The following WDPCP variants were observed in gnomAD, a reference collection of about 807,000 sequenced individuals.
The protein encoded by WDPCP is WD repeat-containing and planar cell polarity effector protein fritz homolog.
In WDPCP, 71 loss-of-function variants were observed where a neutral mutation model predicts 93.1. The ratio of observed to expected loss-of-function variants is 0.76; its 90% CI spans 0.63 to 0.93. WDPCP has a LOEUF of 0.93. WDPCP is among the 40% of genes least tolerant of loss of function. The pLI is 0.00. For missense variants in WDPCP, 844 were observed against 887.4 expected (o/e 0.95, Z 0.62); for synonymous variants, 315 against 315.0 (o/e 1.00, Z 0.00).
intron 14 of WDPCP, among the ~76,000 whole-genome samples, chr2:63,251,486 CTTTTTT>C (rs869243555): frequency 3.7e-5 from 4 of 107,166 alleles, no homozygotes; most frequent in African/African-American, 1.1e-4. Flanking sequence ...AAAAGCCTAC[CTTTTTT>C]TTTTTTTTTT....
At chr2:63,832,431 G>C (rs535512902), upstream of WDPCP, among the ~76,000 whole-genome samples, 25 of 151,590 alleles carry the variant, frequency 1.6e-4, no homozygotes, top group South Asian at 6.2e-4. Flanking sequence ...TGTTGGGGTG[G>C]GGGGGGGAAA....
chr2:63,664,979 G>A (rs1375795813), intron 2 of WDPCP, among the ~76,000 whole-genome samples: 1 of 152,158 alleles, frequency 6.6e-6, no homozygotes, highest in African/African-American at 2.4e-5. Flanking sequence ...GATGAAGATG[G>A]CATTCTAGCA....
chr2:63,789,668 T>C (rs899961733), intron 2 of WDPCP, among the ~76,000 whole-genome samples: 2 of 152,202 alleles, frequency 1.3e-5, no homozygotes, highest in African/African-American at 4.8e-5. Context: ...AAACAATATT[T>C]TTCCTTATGC....
Position 63,333,909 on chromosome 2 carries a change from G to C in WDPCP, c.1749-20598C>G, listed in dbSNP as rs139512943. Among the ~76,000 whole-genome samples the C allele has an allele frequency of 1.8e-3, 277 of 152,282 alleles. 1 individual carries two copies. Among genetic ancestry groups the C allele is most frequent in the African/African-American group, 6.2e-3 (258 of 41,554 alleles). On this transcript the variant is annotated intron_variant, in intron 12 of 17. Transcript: ENST00000272321. The stretch of plus-strand genomic sequence containing the variant: ...ATTCCACATAGAATTATCTTGACAA[G>C]TTAATAAAAACCCACTTGTAATAAG...
chr2:63,518,229 C>T (rs777326979), intron 1 of WDPCP: 2 of 152,216 alleles, frequency 1.3e-5, no homozygotes, highest in Non-Finnish European at 2.9e-5. Context: ...ATTTCAAAGA[C>T]CTCTTTCTGA....
intron 1 of WDPCP, among the ~76,000 whole-genome samples, chr2:63,497,256 G>C (rs761812958): frequency 6.6e-6 from 1 of 152,114 alleles, no homozygotes; most frequent in African/African-American, 2.4e-5. Context: ...GTCAAGGAGT[G>C]CCCTGTATCA....
intron 1 of WDPCP, among the ~76,000 whole-genome samples, chr2:63,535,742 C>A (rs1225741292): frequency 1.3e-5 from 2 of 152,152 alleles, no homozygotes; most frequent in Non-Finnish European, 2.9e-5. Flanking sequence ...AATGTTAGAC[C>A]TAAAACCATA....
chr2:63,838,579 C>T, the WDPCP span, among the ~76,000 whole-genome samples: 1 of 151,944 alleles, frequency 6.6e-6, no homozygotes, highest in East Asian at 1.9e-4. Context: ...ATCCCCCCAC[C>T]CCAGGTTTCT....
chr2:63,494,648 CG>C (rs1416950621), intron 1 of WDPCP, among the ~76,000 whole-genome samples: 1 of 151,364 alleles, frequency 6.6e-6, no homozygotes, highest in East Asian at 2.0e-4. Context: ...CGGCCAGGCG[CG>C]GTGGCTCATG....
At chr2:63,530,650 C>T (rs773756721) in intron 1 of WDPCP, among the ~76,000 whole-genome samples, 7 of 152,182 alleles carry the variant, frequency 4.6e-5, no homozygotes, top group Admixed American at 6.5e-5. Context: ...ATCTCTGACC[C>T]AAGGTCATAT....
intron 3 of WDPCP, among the ~76,000 whole-genome samples, chr2:63,602,269 A>G (rs556091912): frequency 1.3e-5 from 2 of 152,108 alleles, no homozygotes; most frequent in Non-Finnish European, 2.9e-5. Flanking sequence ...ATTAGTATGA[A>G]GACCAGTCGA....
chr2:63,317,951 C>T (rs1686787832), intron 12 of WDPCP, among the ~76,000 whole-genome samples: 1 of 151,968 alleles, frequency 6.6e-6, no homozygotes, highest in Non-Finnish European at 1.5e-5. Flanking sequence ...TTCTGCATAA[C>T]AAAAGAAACT....
In WDPCP at chr2:63,458,665, T is replaced by C. The variant is rs183597103; in HGVS notation, c.385-18794A>G. ...TAACATAGTTAAAATGACCATACTATCCAAAGCAATCTACAGATTGAATGT... is the reference window on the plus strand; with the variant it reads ...TAACATAGTTAAAATGACCATACTACCCAAAGCAATCTACAGATTGAATGT... On this transcript the variant is annotated intron_variant, in intron 6 of 17. Transcript: ENST00000272321. 2.0e-5 allele frequency among the ~76,000 whole-genome samples: 3 copies of C among 152,216 alleles called. No individual in the cohort carries two copies. In the East Asian group the frequency reaches 5.8e-4, roughly 29 times the overall value.
chr2:63,736,219 C>T (rs1044575692), intron 2 of WDPCP, among the ~76,000 whole-genome samples: 1 of 152,202 alleles, frequency 6.6e-6, no homozygotes, highest in Non-Finnish European at 1.5e-5. Context: ...TTGGCTAGAA[C>T]TGAAGTATCA....
intron 2 of WDPCP, among the ~76,000 whole-genome samples, chr2:63,698,474 A>C (rs150988289): frequency 5.6e-4 from 85 of 152,266 alleles, no homozygotes; most frequent in Admixed American, 1.8e-3. Context: ...AGCACCAAGC[A>C]GATGTTAGAA....
chr2:63,597,414 A>G, intron 3 of WDPCP: 1 of 1,440,112 alleles, frequency 6.9e-7, no homozygotes, highest in South Asian at 1.6e-5. Context: ...ATCGCAACAG[A>G]TAAAGAAGAC....
At chr2:63,232,078 G>C (rs1407561230) in intron 14 of WDPCP, among the ~76,000 whole-genome samples, 7 of 152,116 alleles carry the variant, frequency 4.6e-5, no homozygotes, top group African/African-American at 9.7e-5. Context: ...CAAGCAATGG[G>C]GAAAGGATTC....
chr2:63,795,420 A>G (rs1670598896), intron 2 of WDPCP, among the ~76,000 whole-genome samples: 1 of 151,894 alleles, frequency 6.6e-6, no homozygotes, highest in Admixed American at 6.6e-5. Flanking sequence ...AATCCCAGCT[A>G]CTTGAGAGGG....
intron 13 of WDPCP, among the ~76,000 whole-genome samples, chr2:63,308,889 A>G (rs893354491): frequency 1.3e-5 from 2 of 152,164 alleles, no homozygotes; most frequent in Admixed American, 1.3e-4. Flanking sequence ...CTAAAGTATA[A>G]TCAAAGAAAA....
Sources: gnomAD v4.1 joint callset for allele counts (sites outside exome capture counted in the v4.1 genomes callset) on GRCh38, gnomAD v4.1.1 for gene constraint, MANE v1.5 for transcripts, NCBI Gene and HGNC (gene_info 2026-07-23, HGNC 2026-07-21) for gene names.